PDE3A: variants seen among roughly 807,000 people sequenced by gnomAD.
The protein encoded by PDE3A is phosphodiesterase 3A.
A neutral mutation model predicts 98.3 loss-of-function variants in PDE3A; 43 were observed. That is an observed-to-expected ratio of 0.44 (90% CI 0.34 to 0.56). The LOEUF is 0.56. PDE3A is among the 20% of genes least tolerant of loss of function. The pLI is 0.01. For synonymous variants in PDE3A, 663 were observed against 567.9 expected (o/e 1.17, Z -2.38); for missense variants, 1,427 against 1,440.7 (o/e 0.99, Z 0.15).
At position 20,654,148 on chromosome 12, in the gene PDE3A, G is replaced by A. The variant is rs770370525; in HGVS notation, c.3127G>A (p.Glu1043Lys). The change falls in exon 15 of 16, where the codon GAG becomes AAG. Residue 1043 changes from glutamate to lysine, a missense_variant. By Grantham distance (56) the Glu-to-Lys change is moderately conservative. Coordinates refer to ENST00000359062, the MANE Select transcript of PDE3A (RefSeq NM_000921.5). ...AGATACTGATGACCCAGAAGAAGAGGAGGAAGAAGCACCAGCACCAAATGA... is the reference window on the plus strand; with the variant it reads ...AGATACTGATGACCCAGAAGAAGAGAAGGAAGAAGCACCAGCACCAAATGA... ...SGDTDDPEEE[E>K]EEAPAPNEEE... 6.2e-7 allele frequency: 1 copy of A among 1,613,956 alleles called. No homozygotes were observed. The highest frequency in any genetic ancestry group is 8.5e-7 in the Non-Finnish European group (1 of 1,179,952).
intron 2 of PDE3A, among the ~76,000 whole-genome samples, chr12:20,579,768 G>C (rs1943022211): frequency 6.6e-6 from 1 of 152,188 alleles, no homozygotes; most frequent in Admixed American, 6.5e-5. Flanking sequence ...TATGTACAAT[G>C]ATTCAGAGTT....
At chr12:20,654,233 G>T in intron 15 of PDE3A, 28 bp downstream of exon 15, 9 of 1,605,302 alleles carry the variant, frequency 5.6e-6, no homozygotes, top group Non-Finnish European at 7.7e-6. Flanking sequence ...GTTCTAATGT[G>T]TTTTCCCTGG....
intron 1 of PDE3A, among the ~76,000 whole-genome samples, chr12:20,479,526 G>A (rs1193188167): frequency 6.6e-6 from 1 of 152,192 alleles, no homozygotes; most frequent in East Asian, 1.9e-4. Flanking sequence ...CTGAAGAACT[G>A]TCCCTATCCC....
At chr12:20,640,832 A>T (rs550029249) in intron 10 of PDE3A, among the ~76,000 whole-genome samples, 10 of 151,978 alleles carry the variant, frequency 6.6e-5, no homozygotes, top group Non-Finnish European at 1.5e-4. Flanking sequence ...GAAGGAAATA[A>T]ATATATAGAA....
intron 2 of PDE3A, among the ~76,000 whole-genome samples, chr12:20,599,403 G>A (rs114297034): frequency 0.017 from 2,568 of 152,120 alleles, 74 homozygotes; most frequent in African/African-American, 0.059. Flanking sequence ...TGAGAATCTA[G>A]CCAGCTCTTT....
intron 1 of PDE3A, among the ~76,000 whole-genome samples, chr12:20,539,747 A>T (rs1023716148): frequency 2.6e-5 from 4 of 152,122 alleles, no homozygotes; most frequent in African/African-American, 9.7e-5. Flanking sequence ...AGAAAATGGG[A>T]AAATGTATTC....
chr12:20,451,258 C>T (rs1045744012), intron 1 of PDE3A, among the ~76,000 whole-genome samples: 15 of 152,150 alleles, frequency 9.9e-5, no homozygotes, highest in Middle Eastern at 3.4e-3. Flanking sequence ...TTCAGTTATT[C>T]GGTGGTCTTT....
intron 10 of PDE3A, among the ~76,000 whole-genome samples, chr12:20,641,884 G>A (rs1944653947): frequency 6.6e-6 from 1 of 151,946 alleles, no homozygotes; most frequent in Non-Finnish European, 1.5e-5. Context: ...TCCATAAAGG[G>A]AATTTATTTA....
At chr12:20,550,894 G>A (rs927740669) in intron 1 of PDE3A, among the ~76,000 whole-genome samples, 1 of 151,196 alleles carries the variant, frequency 6.6e-6, no homozygotes, top group African/African-American at 2.4e-5. Context: ...CCCTTTTGTT[G>A]GATAAACAAT....
chr12:20,503,063 T>C (rs1005376038), intron 1 of PDE3A, among the ~76,000 whole-genome samples: 1 of 152,238 alleles, frequency 6.6e-6, no homozygotes, highest in South Asian at 2.1e-4. Context: ...AAAACTGTTA[T>C]AGCTGTCATT....
At chr12:20,527,719 G>A (rs923352301) in intron 1 of PDE3A, among the ~76,000 whole-genome samples, 4 of 152,124 alleles carry the variant, frequency 2.6e-5, no homozygotes, top group African/African-American at 9.7e-5. Flanking sequence ...TGGAAGAAAG[G>A]CATTGCTTGA....
intron 1 of PDE3A, among the ~76,000 whole-genome samples, chr12:20,544,542 G>C (rs921262691): frequency 2.6e-5 from 4 of 151,826 alleles, no homozygotes; most frequent in Admixed American, 2.6e-4. Flanking sequence ...AATCAAATCT[G>C]ATGTCTTTTC....
chr12:20,579,411 C>A (rs769604312), intron 2 of PDE3A, among the ~76,000 whole-genome samples: 90 of 151,734 alleles, frequency 5.9e-4, no homozygotes, highest in South Asian at 1.9e-3. Context: ...TTTTTTTTAT[C>A]CTTGCAAACA....
In PDE3A at chr12:20,685,890, G is replaced by A. The variant is rs996144783; in HGVS notation, c.*5619G>A. Reference sequence around the variant, plus strand: ...ATTCAATAACCAAAAATGCTTCAAAGAGTAATAATAAATCACCATAGGTAA... The same window carrying A: ...ATTCAATAACCAAAAATGCTTCAAAAAGTAATAATAAATCACCATAGGTAA... On this transcript the variant is annotated 3_prime_UTR_variant, in exon 16 of 16. Coordinates refer to ENST00000359062, the MANE Select transcript of PDE3A (RefSeq NM_000921.5). 2.0e-5 allele frequency among the ~76,000 whole-genome samples: 3 copies of A among 152,136 alleles called. No homozygotes were observed. The highest frequency in any genetic ancestry group is 2.0e-4 in the Admixed American group (3 of 15,270).
At chr12:20,495,598 C>T (rs1396816144) in intron 1 of PDE3A, among the ~76,000 whole-genome samples, 1 of 152,036 alleles carries the variant, frequency 6.6e-6, no homozygotes, top group Admixed American at 6.6e-5. Context: ...ATGGCTATTA[C>T]ATAACATTCT....
At chr12:20,540,304 T>C (rs1680833591) in intron 1 of PDE3A, among the ~76,000 whole-genome samples, 1 of 152,164 alleles carries the variant, frequency 6.6e-6, no homozygotes, top group African/African-American at 2.4e-5. Context: ...CGCTGAAATA[T>C]GGAATTGCTA....
At chr12:20,672,667 T>A (rs868517173) in intron 15 of PDE3A, among the ~76,000 whole-genome samples, 3,676 of 116,468 alleles carry the variant, frequency 0.032, 120 homozygotes, top group African/African-American at 0.079. Context: ...TGAAACTGGA[T>A]CCCTTCCTTA....
At chr12:20,383,508 C>T (rs1045215098) in intron 1 of PDE3A, among the ~76,000 whole-genome samples, 1 of 152,084 alleles carries the variant, frequency 6.6e-6, no homozygotes, top group Non-Finnish European at 1.5e-5. Flanking sequence ...TTACCAGCTT[C>T]CACAGGGCTT....
chr12:20,675,537 T>C (rs1021625915), intron 15 of PDE3A, among the ~76,000 whole-genome samples: 1 of 152,218 alleles, frequency 6.6e-6, no homozygotes, highest in African/African-American at 2.4e-5. Flanking sequence ...TGTGTTGAAG[T>C]GTCTCTCTCC....
Sources: gnomAD v4.1 joint callset for allele counts (sites outside exome capture counted in the v4.1 genomes callset) on GRCh38, gnomAD v4.1.1 for gene constraint, MANE v1.5 for transcripts, NCBI Gene and HGNC (gene_info 2026-07-23, HGNC 2026-07-21) for gene names.